Variants in HUNK observed in about 807,000 individuals in gnomAD.
HUNK encodes hormonally up-regulated neu tumor-associated kinase.
A neutral mutation model predicts 61.0 loss-of-function variants in HUNK; 21 were observed. The ratio of observed to expected loss-of-function variants is 0.34; its 90% CI spans 0.24 to 0.50. The LOEUF (loss-of-function observed/expected upper bound fraction) is 0.50, where lower values mean the gene tolerates loss of function less well. HUNK is among the 20% of genes least tolerant of loss of function. The pLI is 0.98. For missense variants in HUNK, 772 were observed against 945.7 expected, an observed-to-expected ratio of 0.82 and a Z score of 2.41; for synonymous variants, 371 against 386.1, an observed-to-expected ratio of 0.96 and a Z score of 0.46.
At chr21:31,921,272 G>C (rs1436421084) in intron 1 of HUNK, among the ~76,000 whole-genome samples, 4 of 150,758 alleles carry the variant, frequency 2.7e-5, no homozygotes, top group Non-Finnish European at 5.9e-5. Context: ...GTCACTATTA[G>C]TCACTTGCTG....
chr21:31,987,275 TG>T, intron 8 of HUNK, among the ~76,000 whole-genome samples: 1 of 152,342 alleles, frequency 6.6e-6, no homozygotes, highest in Non-Finnish European at 1.5e-5. Flanking sequence ...TATGGTCACC[TG>T]CACTGAGGGT....
intron 4 of HUNK, among the ~76,000 whole-genome samples, chr21:31,957,288 G>A (rs1307010833): frequency 6.6e-6 from 1 of 152,224 alleles, no homozygotes; most frequent in Non-Finnish European, 1.5e-5. Flanking sequence ...CTTGCCTGGG[G>A]CAGAGAGCCA....
intron 1 of HUNK, among the ~76,000 whole-genome samples, chr21:31,897,060 C>A (rs1482352024): frequency 6.6e-6 from 1 of 152,140 alleles, no homozygotes; most frequent in Non-Finnish European, 1.5e-5. Context: ...GCCTGGGCAA[C>A]ATGGGGAGAC....
intron 1 of HUNK, among the ~76,000 whole-genome samples, chr21:31,881,449 A>G (rs13047523): frequency 0.34 from 52,108 of 151,810 alleles, 9,210 homozygotes; most frequent in Admixed American, 0.43. Context: ...CAACATGGTG[A>G]AACCCTGTCT....
chr21:31,918,658 G>A (rs1443161734), intron 1 of HUNK, among the ~76,000 whole-genome samples: 6 of 152,170 alleles, frequency 3.9e-5, no homozygotes, highest in East Asian at 3.9e-4. Flanking sequence ...TCTTGTCTCC[G>A]TCTTCACTTT....
intron 5 of HUNK, among the ~76,000 whole-genome samples, chr21:31,962,816 T>C (rs1376064803): frequency 6.6e-6 from 1 of 152,258 alleles, no homozygotes; most frequent in Non-Finnish European, 1.5e-5. Flanking sequence ...GTGAGGTGTT[T>C]GCACATGATA....
chr21:31,966,923 G>A (rs1372414675), intron 5 of HUNK, among the ~76,000 whole-genome samples: 2 of 152,256 alleles, frequency 1.3e-5, no homozygotes, highest in East Asian at 1.9e-4. Flanking sequence ...AAGGGCTATA[G>A]CATAAGAAAA....
intron 4 of HUNK, among the ~76,000 whole-genome samples, chr21:31,948,745 A>T (rs1178724330): frequency 6.6e-6 from 1 of 152,188 alleles, no homozygotes; most frequent in Non-Finnish European, 1.5e-5. Flanking sequence ...CTGGAAGGTC[A>T]GGGCTGAAGC....
chr21:31,930,124 C>T (rs539774833), intron 2 of HUNK, among the ~76,000 whole-genome samples: 78 of 152,306 alleles, frequency 5.1e-4, no homozygotes, highest in Non-Finnish European at 9.7e-4. Flanking sequence ...TACAGTGGTC[C>T]GCAGTGCTGA....
intron 1 of HUNK, among the ~76,000 whole-genome samples, chr21:31,903,419 A>C (rs898714773): frequency 1.3e-5 from 2 of 152,138 alleles, no homozygotes; most frequent in African/African-American, 4.8e-5. Context: ...GTTACTTTTT[A>C]GTCATTGGAA....
At chr21:31,987,416 AC>A (rs1379880770) in intron 8 of HUNK, among the ~76,000 whole-genome samples, 15 of 152,112 alleles carry the variant, frequency 9.9e-5, no homozygotes, top group African/African-American at 3.4e-4. Context: ...CAATGTGTGT[AC>A]CCTAGGTGGC....
intron 8 of HUNK, 50 bp from the exon 9 acceptor site, chr21:31,990,063 GAAGCATTTAGGGAATA>G: frequency 7.1e-7 from 1 of 1,400,790 alleles, no homozygotes; most frequent in South Asian, 1.2e-5. Flanking sequence ...GGCCGTAGGG[GAAGCATTTAGGGAATA>G]AATAGCAGGT....
chr21:31,885,999 G>A (rs1193435022), intron 1 of HUNK, among the ~76,000 whole-genome samples: 1 of 152,138 alleles, frequency 6.6e-6, no homozygotes, highest in African/African-American at 2.4e-5. Context: ...CCAAAATGCT[G>A]GGATTACAGA....
intron 5 of HUNK, among the ~76,000 whole-genome samples, chr21:31,965,679 G>A (rs2052961129): frequency 6.8e-6 from 1 of 146,394 alleles, no homozygotes; most frequent in South Asian, 2.2e-4. Flanking sequence ...TCAGCTCACT[G>A]CAAACTCTGC....
chr21:31,916,867 G>T (rs927358880), intron 1 of HUNK, among the ~76,000 whole-genome samples: 1 of 151,668 alleles, frequency 6.6e-6, no homozygotes, highest in Non-Finnish European at 1.5e-5. Flanking sequence ...AGTAGAGATG[G>T]GGTTTCACCA....
intron 5 of HUNK, among the ~76,000 whole-genome samples, chr21:31,961,188 T>A (rs1279321409): frequency 1.3e-5 from 2 of 152,036 alleles, no homozygotes; most frequent in Non-Finnish European, 2.9e-5. Context: ...TGTAAATCAC[T>A]TTTTTTCCCA....
At chr21:31,902,852 T>C (rs929377086) in intron 1 of HUNK, among the ~76,000 whole-genome samples, 6 of 152,190 alleles carry the variant, frequency 3.9e-5, no homozygotes, top group Non-Finnish European at 7.4e-5. Context: ...TTCTAGACCA[T>C]GGAGATCCGC....
chr21:31,891,095 G>A (rs1406996243), intron 1 of HUNK, among the ~76,000 whole-genome samples: 3 of 152,202 alleles, frequency 2.0e-5, no homozygotes, highest in African/African-American at 7.2e-5. Context: ...TACAGAAACA[G>A]GCTGGATGTG....
chr21:31,935,283 CAGA>C (rs2052725929), intron 2 of HUNK, among the ~76,000 whole-genome samples: 1 of 152,212 alleles, frequency 6.6e-6, no homozygotes, highest in African/African-American at 2.4e-5. Flanking sequence ...TTCAGATTTA[CAGA>C]AGACTTGCAT....
Sources: allele counts gnomAD v4.1 joint callset (sites outside exome capture counted in the v4.1 genomes callset), GRCh38; gene constraint gnomAD v4.1.1; transcripts MANE v1.5; gene names NCBI Gene and HGNC (gene_info 2026-07-23, HGNC 2026-07-21).